SERPINB10: variants seen among roughly 807,000 people sequenced by gnomAD.
SERPINB10 encodes serpin B10.
SERPINB10 carries 35 observed loss-of-function variants against 39.1 expected under a neutral mutation model. The ratio of observed to expected loss-of-function variants is 0.90; its 90% CI spans 0.68 to 1.19. The LOEUF is 1.19. Ranked by LOEUF, SERPINB10 falls within the 50% of genes most tolerant of loss-of-function variation. The pLI is 0.00. For synonymous variants in SERPINB10, 190 were observed against 158.1 expected (o/e 1.20, Z -1.52); for missense variants, 546 against 460.5 (o/e 1.19, Z -1.70).
chr18:63,925,651 G>T (rs980268619), intron 5 of SERPINB10, among the ~76,000 whole-genome samples: 3 of 151,906 alleles, frequency 2.0e-5, no homozygotes, highest in African/African-American at 7.3e-5. Flanking sequence ...ACAAATAATT[G>T]AAGATCCAAA....
intron 5 of SERPINB10, among the ~76,000 whole-genome samples, chr18:63,924,346 C>T (rs547031986): frequency 3.3e-5 from 5 of 152,050 alleles, no homozygotes; most frequent in South Asian, 2.1e-4. Context: ...CTGTGACATA[C>T]GGTGTCCTCA....
Position 63,935,004 on chromosome 18 carries a change from A to C in SERPINB10, c.956A>C (p.Lys319Thr). The change falls in exon 8 of 8, where the codon AAA (lysine) becomes ACA (threonine). Residue 319 changes from lysine (K) to threonine (T), a missense_variant. By Grantham distance (78) the Lys-to-Thr change is moderately conservative. Transcript: ENST00000238508. ...ATGAGTGATGCCTTCAGCCAAAGCA[A>C]AGCTGATTTCTCAGGAATGTCTTCA... ...MGMSDAFSQS[K>T]ADFSGMSSAR... 1.2e-6 allele frequency: 2 copies of C among 1,614,234 alleles called. No homozygotes were observed. Among genetic ancestry groups the C allele is most frequent in the Non-Finnish European group, 8.5e-7 (1 of 1,180,046 alleles).
rs149215677 is a variant in SERPINB10, at chr18:63,926,016, A to G, written c.491-4029A>G. On this transcript the variant is annotated intron_variant, in intron 5 of 7. Coordinates refer to ENST00000238508, the MANE Select transcript of SERPINB10 (RefSeq NM_005024.3). Reference sequence around the variant, plus strand: ...ACAGCATGACTTTGGTGGTTGTATTAGTTTCCTAGGGCTGTCATAACACAT... The same window carrying G: ...ACAGCATGACTTTGGTGGTTGTATTGGTTTCCTAGGGCTGTCATAACACAT... Among the ~76,000 whole-genome samples, 326 of 152,160 alleles carry G rather than the reference A, an allele frequency of 2.1e-3. 3 individuals carry two copies. The highest frequency in any genetic ancestry group is 3.8e-3 in the Non-Finnish European group (260 of 67,952).
intron 1 of SERPINB10, among the ~76,000 whole-genome samples, chr18:63,910,419 G>C (rs2050055422): frequency 6.6e-6 from 1 of 151,916 alleles, no homozygotes. Context: ...AGTGAGCATA[G>C]TACCCAATAG....
At chr18:63,919,725 T>C (rs1408561627) in intron 4 of SERPINB10, 63 bp from the exon 5 acceptor site, 3 of 1,129,376 alleles carry the variant, frequency 2.7e-6, no homozygotes, top group Non-Finnish European at 3.9e-6. Flanking sequence ...ATAATCTAAA[T>C]AGATTTGATT....
chr18:63,923,556 T>C (rs181446765), intron 5 of SERPINB10, among the ~76,000 whole-genome samples: 1 of 152,072 alleles, frequency 6.6e-6, no homozygotes, highest in African/African-American at 2.4e-5. Flanking sequence ...TAGAATACTT[T>C]TCTTTCTTTT....
intron 5 of SERPINB10, among the ~76,000 whole-genome samples, chr18:63,922,849 G>A (rs916959050): frequency 6.6e-6 from 1 of 151,884 alleles, no homozygotes; most frequent in Non-Finnish European, 1.5e-5. Flanking sequence ...ATGTGACTGA[G>A]GAACTGAATT....
Position 63,907,998 on chromosome 18 carries a change from A to T in SERPINB10, c.-52A>T. 1 of 342,134 alleles carries T rather than the reference A, an allele frequency of 2.9e-6. No homozygotes were observed. The highest frequency in any genetic ancestry group is 6.0e-6 in the Non-Finnish European group (1 of 166,398). The allele number at this position is 342,134 out of a possible 1,614,324, so 21.2% of individuals were successfully genotyped here. The stretch of plus-strand genomic sequence containing the variant: ...AACTCTTCAGCCACAATCTCTTACT[A>T]CAGGAGCAAATTGCCAATTCTGCTC... On this transcript the variant is annotated 5_prime_UTR_variant, in exon 1 of 8. Transcript: ENST00000238508.
intron 5 of SERPINB10, among the ~76,000 whole-genome samples, chr18:63,922,658 C>G (rs1484462198): frequency 1.3e-5 from 2 of 151,870 alleles, no homozygotes; most frequent in African/African-American, 4.8e-5. Flanking sequence ...AGGGGTTGGT[C>G]CTTGCCTTGC....
chr18:63,927,098 A>G (rs930267455), intron 5 of SERPINB10, among the ~76,000 whole-genome samples: 1 of 151,362 alleles, frequency 6.6e-6, no homozygotes, highest in South Asian at 2.1e-4. Context: ...ATCTCATCTA[A>G]TTTTTTTTGC....
chr18:63,923,433 C>T (rs1173821976), intron 5 of SERPINB10, among the ~76,000 whole-genome samples: 1 of 151,810 alleles, frequency 6.6e-6, no homozygotes, highest in Non-Finnish European at 1.5e-5. Context: ...TACTTCTTTC[C>T]TTGAGCTTTC....
rs146678260 is a variant in SERPINB10 at position 63,919,413 on chromosome 18, A to G, written c.373-375A>G. On this transcript the variant is annotated intron_variant, in intron 4 of 7. Coordinates refer to ENST00000238508, the MANE Select transcript of SERPINB10 (RefSeq NM_005024.3). ...TCACTTTGGTTTCATACCTACCATAAAAAGTCAAGTACAATGCCCAGTACC... is the reference window on the plus strand; with the variant it reads ...TCACTTTGGTTTCATACCTACCATAGAAAGTCAAGTACAATGCCCAGTACC... Among the ~76,000 whole-genome samples, 732 of 152,002 alleles carry G rather than the reference A, an allele frequency of 4.8e-3. 8 individuals carry two copies. The highest frequency in any genetic ancestry group is 0.017 in the African/African-American group (710 of 41,484).
chr18:63,934,745 C>T, intron 7 of SERPINB10, 93 bp from the exon 8 acceptor site: 2 of 1,274,330 alleles, frequency 1.6e-6, no homozygotes, highest in Non-Finnish European at 2.1e-6. Flanking sequence ...GATCATAATT[C>T]ACCTATGTAA....
In SERPINB10 at chr18:63,935,252, A is replaced by C. The variant is rs1190177149; in HGVS notation, c.*10A>C. On this transcript the variant is annotated 3_prime_UTR_variant, in exon 8 of 8. Transcript: ENST00000238508. ...ATTATGCTCCCCCTAAATCCTGCAT[A>C]TCTCTCAACAAACAAGACCATCTTA... 6.5e-7 allele frequency: 1 copy of C among 1,548,458 alleles called. No homozygotes were observed. The highest frequency in any genetic ancestry group is 8.7e-7 in the Non-Finnish European group (1 of 1,152,254).
intron 5 of SERPINB10, among the ~76,000 whole-genome samples, chr18:63,923,887 C>A (rs990311529): frequency 6.6e-6 from 1 of 151,930 alleles, no homozygotes; most frequent in Non-Finnish European, 1.5e-5. Context: ...GTTCATTCAA[C>A]TATTCAATCT....
At chr18:63,930,245 C>T (rs908227110) in intron 6 of SERPINB10, 58 bp downstream of exon 6, 4 of 1,547,118 alleles carry the variant, frequency 2.6e-6, no homozygotes, top group African/African-American at 1.4e-5. Context: ...AAGTGATTCT[C>T]TTATAAATTC....
chr18:63,931,271 C>T (rs1332645843), intron 6 of SERPINB10, among the ~76,000 whole-genome samples: 1 of 152,140 alleles, frequency 6.6e-6, no homozygotes, highest in African/African-American at 2.4e-5. Context: ...CTAGTTGCTA[C>T]TCTCATTCTC....
Position 63,922,534 on chromosome 18 carries a change from G to A in SERPINB10, c.490+2629G>A, listed in dbSNP as rs545067082. On this transcript the variant is annotated intron_variant, in intron 5 of 7. Transcript: ENST00000238508. The stretch of plus-strand genomic sequence containing the variant: ...TGTTATGTTGTTTGGAAATCAGGTA[G>A]GGATCCTACAGATTGGAAGGCTGGG... Among the ~76,000 whole-genome samples, 4 of 152,006 alleles carry A rather than the reference G, an allele frequency of 2.6e-5. No individual in the cohort carries two copies. The South Asian group carries it at 8.3e-4, about 32-fold the overall frequency.
Position 63,935,371 on chromosome 18 carries a change from T to A in SERPINB10, c.*129T>A, listed in dbSNP as rs768202155. On this transcript the variant is annotated 3_prime_UTR_variant, in exon 8 of 8. Transcript: ENST00000238508. ...TTTTTCACATTTGAATATAAGTAAA[T>A]AGATCTTGAAATAATGCATTCTAAT... The A allele has an allele frequency of 3.3e-5, 30 of 904,212 alleles. No homozygotes were observed. Among genetic ancestry groups the A allele is most frequent in the African/African-American group, 5.0e-5 (3 of 59,458 alleles). 56.0% of individuals were successfully genotyped at this position (904,212 alleles called of 1,614,324 possible).
Sources: allele counts gnomAD v4.1 joint callset (sites outside exome capture counted in the v4.1 genomes callset), GRCh38; gene constraint gnomAD v4.1.1; transcripts MANE v1.5; gene names NCBI Gene and HGNC (gene_info 2026-07-23, HGNC 2026-07-21).